Variants in TMC1 observed in about 807,000 individuals in gnomAD.
TMC1 encodes transmembrane channel-like protein 1.
In TMC1, 84 loss-of-function variants were observed where a neutral mutation model predicts 105.8. The observed-to-expected ratio is 0.79, with a 90% CI of 0.67 to 0.95. The LOEUF (loss-of-function observed/expected upper bound fraction) is 0.95. Ranked by LOEUF, TMC1 falls within the 40% of genes least tolerant of loss-of-function variation. TMC1 has a pLI of 0.00. For missense variants in TMC1, 817 were observed against 914.1 expected (o/e 0.89, Z 1.37); for synonymous variants, 315 against 311.5 (o/e 1.01, Z -0.12).
At chr9:72,657,619 C>CT (rs1312906411) in intron 5 of TMC1, among the ~76,000 whole-genome samples, 1 of 152,042 alleles carries the variant, frequency 6.6e-6, no homozygotes, top group African/African-American at 2.4e-5. Flanking sequence ...TTTTTAGTAT[C>CT]TGAGTTCCAT....
intron 8 of TMC1, among the ~76,000 whole-genome samples, chr9:72,718,388 T>A (rs1564511852): frequency 6.6e-6 from 1 of 152,218 alleles, no homozygotes; most frequent in Non-Finnish European, 1.5e-5. Flanking sequence ...TTTTGTCCCA[T>A]GGGGTGTTCC....
At chr9:72,752,034 A>G in intron 11 of TMC1, 78 bp downstream of exon 11, 2 of 961,068 alleles carry the variant, frequency 2.1e-6, no homozygotes, top group Non-Finnish European at 1.7e-6. Flanking sequence ...TCTTTAAAGT[A>G]GAATAATTAA....
intron 8 of TMC1, among the ~76,000 whole-genome samples, chr9:72,731,845 C>T (rs1827215856): frequency 6.6e-6 from 1 of 152,174 alleles, no homozygotes; most frequent in South Asian, 2.1e-4. Context: ...ACTGAATCCT[C>T]CCTTTGTTCA....
chr9:72,613,381 C>T (rs1050654413), intron 2 of TMC1, among the ~76,000 whole-genome samples: 3 of 152,080 alleles, frequency 2.0e-5, no homozygotes, highest in Non-Finnish European at 2.9e-5. Flanking sequence ...CTGCCTCGGC[C>T]TTCCAAAGTG....
chr9:72,672,647 T>G (rs551720150), intron 5 of TMC1, among the ~76,000 whole-genome samples: 1 of 152,136 alleles, frequency 6.6e-6, no homozygotes, highest in Non-Finnish European at 1.5e-5. Flanking sequence ...AGGACCTTTT[T>G]CTGAATAATT....
At chr9:72,528,663 A>G (rs2132055739) in intron 1 of TMC1, among the ~76,000 whole-genome samples, 1 of 152,154 alleles carries the variant, frequency 6.6e-6, no homozygotes, top group South Asian at 2.1e-4. Context: ...TTAGCATCCA[A>G]AATGGACTAA....
chr9:72,824,967 G>GT (rs1415167420), intron 20 of TMC1, among the ~76,000 whole-genome samples: 3 of 152,136 alleles, frequency 2.0e-5, no homozygotes, highest in Non-Finnish European at 4.4e-5. Flanking sequence ...CTAGGTGCAG[G>GT]TTTTTTAGTA....
chr9:72,529,631 G>T (rs7854092), intron 1 of TMC1, among the ~76,000 whole-genome samples: 86,437 of 151,588 alleles, frequency 0.57, 26,396 homozygotes, highest in African/African-American at 0.8. Context: ...AATAATGTCT[G>T]GAGCTATCCA....
chr9:72,693,101 T>C (rs55633520), intron 6 of TMC1, among the ~76,000 whole-genome samples: 15,917 of 143,618 alleles, frequency 0.11, 913 homozygotes, highest in Non-Finnish European at 0.14. Flanking sequence ...GCTTGGGTGA[T>C]AGAACAAAAT....
chr9:72,806,065 C>T (rs1828571517), intron 18 of TMC1, among the ~76,000 whole-genome samples: 2 of 152,092 alleles, frequency 1.3e-5, no homozygotes, highest in Admixed American at 6.5e-5. Flanking sequence ...TTGGGCACAC[C>T]TCCCAGACGG....
chr9:72,554,459 C>T (rs913924424), intron 1 of TMC1, among the ~76,000 whole-genome samples: 3 of 152,066 alleles, frequency 2.0e-5, no homozygotes, highest in Non-Finnish European at 2.9e-5. Flanking sequence ...AAAGACAGAA[C>T]GCTGGAAATA....
At chr9:72,522,802 C>T (rs568114842) in intron 1 of TMC1, among the ~76,000 whole-genome samples, 1 of 152,304 alleles carries the variant, frequency 6.6e-6, no homozygotes, top group East Asian at 1.9e-4. Context: ...GCTGGAACAG[C>T]GCTGAATAGG....
chr9:72,568,952 T>A (rs1203928013), intron 1 of TMC1, among the ~76,000 whole-genome samples: 1 of 152,162 alleles, frequency 6.6e-6, no homozygotes, highest in African/African-American at 2.4e-5. Context: ...ACCAACAGCA[T>A]GAACAAGATA....
At chr9:72,656,793 C>CT in intron 5 of TMC1, among the ~76,000 whole-genome samples, 1 of 152,178 alleles carries the variant, frequency 6.6e-6, no homozygotes, top group Admixed American at 6.5e-5. Flanking sequence ...TTTTTCCCCC[C>CT]TCCGGGATGC....
chr9:72,609,533 G>C (rs1409834030), intron 2 of TMC1, among the ~76,000 whole-genome samples: 2 of 132,220 alleles, frequency 1.5e-5, no homozygotes, highest in African/African-American at 6.3e-5. Flanking sequence ...GAGTGAGTGA[G>C]ACTGTCTCAA....
At chr9:72,584,784 C>CTTTTCTTTT (rs71493662) in intron 2 of TMC1, among the ~76,000 whole-genome samples, 2 of 112,990 alleles carry the variant, frequency 1.8e-5, no homozygotes, top group East Asian at 5.4e-4. Context: ...CTTTTCTTTT[C>CTTTTCTTTT]TTTTTTTTTT....
At chr9:72,803,011 C>T (rs1828502205) in intron 17 of TMC1, among the ~76,000 whole-genome samples, 1 of 152,122 alleles carries the variant, frequency 6.6e-6, no homozygotes, top group Non-Finnish European at 1.5e-5. Flanking sequence ...ATCAAAACAG[C>T]ATAGTACTGG....
intron 1 of TMC1, among the ~76,000 whole-genome samples, chr9:72,546,160 G>T (rs1197803576): frequency 6.6e-6 from 1 of 152,120 alleles, no homozygotes; most frequent in African/African-American, 2.4e-5. Flanking sequence ...CGGCGTGGTG[G>T]TGCATGTCTG....
At chr9:72,669,809 T>C (rs570780649) in intron 5 of TMC1, among the ~76,000 whole-genome samples, 1 of 152,326 alleles carries the variant, frequency 6.6e-6, no homozygotes, top group African/African-American at 2.4e-5. Context: ...GAATTTACTC[T>C]TTTATGTGAA....
Sources: gnomAD v4.1 joint callset for allele counts (sites outside exome capture counted in the v4.1 genomes callset) on GRCh38, gnomAD v4.1.1 for gene constraint, MANE v1.5 for transcripts, NCBI Gene and HGNC (gene_info 2026-07-23, HGNC 2026-07-21) for gene names.